Variants in RIMS1 observed in about 807,000 individuals in gnomAD.
The protein encoded by RIMS1 is regulating synaptic membrane exocytosis protein 1.
RIMS1 carries 83 observed loss-of-function variants against 214.1 expected under a neutral mutation model. That is an observed-to-expected ratio of 0.39 (90% confidence interval 0.32 to 0.47). The LOEUF is 0.47. Among genes scored for constraint, RIMS1 ranks in the 20% least tolerant of loss-of-function variants. The pLI is 0.99. For synonymous variants in RIMS1, 793 were observed against 786.8 expected, an observed-to-expected ratio of 1.01 and a Z score of -0.13; for missense variants, 2,050 against 2,161.8, an observed-to-expected ratio of 0.95 and a Z score of 1.03.
At chr6:72,217,176 C>T (rs184629485) in intron 6 of RIMS1, 180 of 1,536,566 alleles carry the variant, frequency 1.2e-4, no homozygotes, top group Non-Finnish European at 5.7e-5. Flanking sequence ...TTAACCACTC[C>T]GATGCTGCTG....
chr6:72,382,892 GTC>G (rs2098516590), intron 29 of RIMS1, among the ~76,000 whole-genome samples: 1 of 152,136 alleles, frequency 6.6e-6, no homozygotes, highest in Non-Finnish European at 1.5e-5. Flanking sequence ...GCAATCTACA[GTC>G]TCTCAATAAG....
At chr6:71,911,536 C>G (rs1383927744) in intron 1 of RIMS1, among the ~76,000 whole-genome samples, 3 of 152,098 alleles carry the variant, frequency 2.0e-5, no homozygotes, top group Admixed American at 6.6e-5. Context: ...TCCCTTAGAT[C>G]CCCATACTCT....
chr6:72,283,735 G>T (rs1368314709), intron 23 of RIMS1, among the ~76,000 whole-genome samples: 1 of 152,086 alleles, frequency 6.6e-6, no homozygotes, highest in East Asian at 1.9e-4. Context: ...TTGCTCATCA[G>T]CAGAGGCCGA....
chr6:72,183,924 C>G (rs1382539595), intron 6 of RIMS1, among the ~76,000 whole-genome samples: 2 of 152,010 alleles, frequency 1.3e-5, no homozygotes, highest in African/African-American at 4.8e-5. Context: ...GACTACGTGG[C>G]GCCATTTGCA....
chr6:71,891,061 T>G (rs1293013291), intron 1 of RIMS1, among the ~76,000 whole-genome samples: 2 of 152,228 alleles, frequency 1.3e-5, no homozygotes, highest in African/African-American at 2.4e-5. Context: ...TTTTCTCAGT[T>G]GCAGAGAAGT....
chr6:72,002,420 GA>G (rs368132088), intron 2 of RIMS1, among the ~76,000 whole-genome samples: 11 of 151,822 alleles, frequency 7.2e-5, no homozygotes, highest in African/African-American at 1.9e-4. Context: ...TGGAAAAGGG[GA>G]AAAAAAAGGT....
chr6:72,127,407 T>C (rs2039735653), intron 4 of RIMS1, among the ~76,000 whole-genome samples: 1 of 152,210 alleles, frequency 6.6e-6, no homozygotes, highest in African/African-American at 2.4e-5. Context: ...GCAGTGTACA[T>C]AAAGTTATTT....
At chr6:71,895,804 A>G (rs1482293970) in intron 1 of RIMS1, among the ~76,000 whole-genome samples, 1 of 151,886 alleles carries the variant, frequency 6.6e-6, no homozygotes, top group African/African-American at 2.4e-5. Flanking sequence ...TATATGAAGT[A>G]CCTAGGGTAT....
chr6:72,106,511 C>G (rs919353232), intron 4 of RIMS1, among the ~76,000 whole-genome samples: 1 of 152,124 alleles, frequency 6.6e-6, no homozygotes, highest in African/African-American at 2.4e-5. Flanking sequence ...TTTTTCAGTA[C>G]AAGCTAAACC....
At chr6:72,282,262 CT>C (rs1474381926) in intron 23 of RIMS1, among the ~76,000 whole-genome samples, 1 of 151,996 alleles carries the variant, frequency 6.6e-6, no homozygotes, top group Non-Finnish European at 1.5e-5. Flanking sequence ...CTAATCCTTT[CT>C]TCTCCCCTTA....
intron 6 of RIMS1, among the ~76,000 whole-genome samples, chr6:72,221,181 G>A (rs2154040749): frequency 6.6e-6 from 1 of 152,082 alleles, no homozygotes; most frequent in East Asian, 1.9e-4. Context: ...AAATTGCAAT[G>A]GATACAGTTT....
intron 2 of RIMS1, among the ~76,000 whole-genome samples, chr6:72,088,051 A>G (rs2153787990): frequency 6.6e-6 from 1 of 152,168 alleles, no homozygotes; most frequent in East Asian, 1.9e-4. Flanking sequence ...CTGCTACTAC[A>G]GGCTTCATCT....
intron 29 of RIMS1, among the ~76,000 whole-genome samples, chr6:72,383,919 C>T (rs533032341): frequency 6.6e-6 from 1 of 152,198 alleles, no homozygotes; most frequent in South Asian, 2.1e-4. Flanking sequence ...AAAGGTTATA[C>T]TTACTTGATA....
intron 31 of RIMS1, among the ~76,000 whole-genome samples, chr6:72,395,268 A>G (rs2098760045): frequency 6.6e-6 from 1 of 152,122 alleles, no homozygotes; most frequent in East Asian, 1.9e-4. Context: ...TAAGAAAAAC[A>G]TAAAACCTGA....
At chr6:71,948,287 A>C (rs1486693538) in intron 1 of RIMS1, among the ~76,000 whole-genome samples, 1 of 152,128 alleles carries the variant, frequency 6.6e-6, no homozygotes, top group Middle Eastern at 3.2e-3. Context: ...TCTTCTGTGC[A>C]CTTGCTAGGA....
chr6:72,280,342 G>A (rs2154210865), intron 23 of RIMS1, among the ~76,000 whole-genome samples: 1 of 152,000 alleles, frequency 6.6e-6, no homozygotes, highest in Non-Finnish European at 1.5e-5. Flanking sequence ...CAGTAGTATG[G>A]TACATGAATA....
intron 1 of RIMS1, among the ~76,000 whole-genome samples, chr6:71,921,636 A>C (rs997375558): frequency 6.6e-6 from 1 of 152,222 alleles, no homozygotes; most frequent in Non-Finnish European, 1.5e-5. Context: ...AAATTTGCTT[A>C]TGAAAAAGAG....
chr6:71,996,246 C>T (rs4706499), intron 2 of RIMS1, among the ~76,000 whole-genome samples: 5,801 of 152,304 alleles, frequency 0.038, 237 homozygotes, highest in East Asian at 0.16. Flanking sequence ...ATAACACCTT[C>T]AAACCTAAAA....
intron 4 of RIMS1, among the ~76,000 whole-genome samples, chr6:72,135,105 T>G (rs894016108): frequency 6.6e-6 from 1 of 152,014 alleles, no homozygotes. Context: ...TTCCTTTAAA[T>G]AACAAGGAGA....
Sources: gnomAD v4.1 joint callset for allele counts (sites outside exome capture counted in the v4.1 genomes callset) on GRCh38, gnomAD v4.1.1 for gene constraint, MANE v1.5 for transcripts, NCBI Gene and HGNC (gene_info 2026-07-23, HGNC 2026-07-21) for gene names.